PATJ: variants seen among roughly 807,000 people sequenced by gnomAD.
PATJ encodes PATJ crumbs cell polarity complex component.
Under a neutral mutation model 224.9 loss-of-function variants are expected in PATJ, and 190 were observed. The observed-to-expected ratio is 0.84, with a 90% confidence interval of 0.75 to 0.95. The LOEUF (loss-of-function observed/expected upper bound fraction) is 0.95. Among genes scored for constraint, PATJ ranks in the 40% least tolerant of loss-of-function variants. The pLI, the probability that PATJ is intolerant of heterozygous loss-of-function variation, is 0.00. For missense variants in PATJ, 2,121 were observed against 2,270.3 expected (o/e 0.93, Z 1.34); for synonymous variants, 769 against 820.3 (o/e 0.94, Z 1.07).
In PATJ at chr1:62,038,003, C is replaced by T. The variant is rs771647096; in HGVS notation, c.3986C>T (p.Ala1329Val). The T allele has an allele frequency of 1.9e-6, 3 of 1,604,726 alleles. No homozygotes were observed. Among genetic ancestry groups the T allele is most frequent in the Non-Finnish European group, 2.6e-6 (3 of 1,174,760 alleles). Residue 1329 changes from alanine (A) to valine (V), a missense_variant, in exon 30 of 44, where the codon GCC (alanine) becomes GTC (valine). Transcript: ENST00000642238. ...AACGAGGATGCAGTCAATCAGATGG[C>T]CGTTACTCCCTTTCCAGTGCCATCA... ...IRNEDAVNQM[A>V]VTPFPVPSSS...
chr1:61,983,236 C>A (rs374208118), intron 27 of PATJ, among the ~76,000 whole-genome samples: 18 of 151,968 alleles, frequency 1.2e-4, no homozygotes, highest in African/African-American at 3.6e-4. Flanking sequence ...ATAGGATAAC[C>A]CAAATTCTGA....
intron 41 of PATJ, among the ~76,000 whole-genome samples, chr1:62,140,327 G>A (rs1182197761): frequency 6.6e-6 from 1 of 152,154 alleles, no homozygotes; most frequent in Admixed American, 6.6e-5. Context: ...TGCTACAGAA[G>A]TGTTTTTATA....
intron 19 of PATJ, among the ~76,000 whole-genome samples, chr1:61,863,874 G>C (rs1430783178): frequency 6.6e-6 from 1 of 152,124 alleles, no homozygotes. Context: ...ATAATAGTTT[G>C]CAGTGTATGT....
At chr1:62,119,113 C>T (rs1461917217) in intron 37 of PATJ, among the ~76,000 whole-genome samples, 1 of 151,996 alleles carries the variant, frequency 6.6e-6, no homozygotes. Flanking sequence ...TCTTCTTACA[C>T]AGAATTTTAA....
intron 27 of PATJ, among the ~76,000 whole-genome samples, chr1:61,969,718 C>T (rs1266222686): frequency 1.3e-5 from 2 of 152,162 alleles, no homozygotes; most frequent in African/African-American, 2.4e-5. Flanking sequence ...GTTTGAGACA[C>T]AGCCTCCCTC....
At chr1:61,788,055 G>A (rs1648952305) in intron 8 of PATJ, 83 bp downstream of exon 8, 3 of 1,113,424 alleles carry the variant, frequency 2.7e-6, no homozygotes, top group Non-Finnish European at 3.9e-6. Context: ...TCAACTTGAA[G>A]CACCACATTG....
chr1:61,812,431 AGAGTGTGT>A (rs1557688195), intron 14 of PATJ, among the ~76,000 whole-genome samples: 3 of 109,040 alleles, frequency 2.8e-5, no homozygotes, highest in Non-Finnish European at 4.1e-5. Flanking sequence ...AGAGAGAGAG[AGAGTGTGT>A]GTGTGTGTGT....
At chr1:61,832,911 G>A (rs1284316775) in intron 16 of PATJ, among the ~76,000 whole-genome samples, 1 of 152,084 alleles carries the variant, frequency 6.6e-6, no homozygotes, top group Non-Finnish European at 1.5e-5. Context: ...TTAACTTCCT[G>A]GAATTCCACA....
intron 1 of PATJ, among the ~76,000 whole-genome samples, chr1:61,757,789 T>C (rs1233210565): frequency 6.6e-6 from 1 of 152,234 alleles, no homozygotes; most frequent in Non-Finnish European, 1.5e-5. Flanking sequence ...TTTCTAGTAG[T>C]AGTCTCTGTT....
At chr1:61,919,461 G>A (rs867332421) in intron 26 of PATJ, among the ~76,000 whole-genome samples, 2 of 149,936 alleles carry the variant, frequency 1.3e-5, no homozygotes, top group African/African-American at 2.4e-5. Context: ...GCACCACCAC[G>A]CCCAGCTAGT....
intron 31 of PATJ, among the ~76,000 whole-genome samples, chr1:62,072,234 G>T (rs193300871): frequency 6.6e-6 from 1 of 152,084 alleles, no homozygotes; most frequent in Non-Finnish European, 1.5e-5. Context: ...GCACTCCTCC[G>T]TGGGGTTTAG....
chr1:62,090,735 A>G (rs1367223736), intron 33 of PATJ, among the ~76,000 whole-genome samples: 1 of 152,108 alleles, frequency 6.6e-6, no homozygotes, highest in Non-Finnish European at 1.5e-5. Flanking sequence ...ATGAAATCCT[A>G]CAGCTTAGAG....
chr1:61,850,660 T>G (rs572868828), intron 17 of PATJ, among the ~76,000 whole-genome samples: 36 of 152,370 alleles, frequency 2.4e-4, no homozygotes, highest in African/African-American at 8.2e-4. Flanking sequence ...GAAGCAGCAT[T>G]GCTTAGTGTG....
intron 14 of PATJ, among the ~76,000 whole-genome samples, chr1:61,814,172 C>T (rs560380756): frequency 9.0e-6 from 1 of 111,718 alleles, no homozygotes; most frequent in South Asian, 3.2e-4. Context: ...GTGATTCAGT[C>T]TCGCTCTGTT....
In PATJ at chr1:62,051,020, G is replaced by A. The variant is rs1239964120; in HGVS notation, c.4087G>A (p.Gly1363Ser). 1.2e-6 allele frequency: 2 copies of A among 1,613,774 alleles called. No individual in the cohort carries two copies. The highest frequency in any genetic ancestry group is 2.7e-5 in the African/African-American group (2 of 74,906). Residue 1363 changes from glycine (G) to serine (S), a missense_variant, in exon 31 of 44, where the codon GGT becomes AGT. Gly to Ser is a moderately conservative substitution (Grantham distance 56). Transcript: ENST00000642238. ...TGAGGAAGATGGCAGCGTCGAAGTT[G>A]GTATTAAACAATTGCCTGAAAGTGA... ...SSEEDGSVEV[G>S]IKQLPESESF...
At chr1:62,028,994 T>TACATACATACATACATACATACAC (rs1350355669) in intron 29 of PATJ, among the ~76,000 whole-genome samples, 9 of 151,820 alleles carry the variant, frequency 5.9e-5, no homozygotes, top group African/African-American at 1.9e-4. Context: ...CATACATACA[T>TACATACATACATACATACATACAC]ACACGTATAC....
At chr1:62,008,693 G>A (rs1646246889) in intron 28 of PATJ, among the ~76,000 whole-genome samples, 2 of 152,142 alleles carry the variant, frequency 1.3e-5, no homozygotes, top group South Asian at 4.1e-4. Context: ...AGGCTGCAGT[G>A]AGCCATGATC....
At chr1:61,876,428 T>A (rs1447142660) in intron 21 of PATJ, among the ~76,000 whole-genome samples, 1 of 152,216 alleles carries the variant, frequency 6.6e-6, no homozygotes, top group Non-Finnish European at 1.5e-5. Flanking sequence ...TATTAAATAG[T>A]TGGAGAAGAT....
chr1:61,863,094 G>A (rs1445421470), intron 19 of PATJ, among the ~76,000 whole-genome samples: 1 of 139,186 alleles, frequency 7.2e-6, no homozygotes, highest in Non-Finnish European at 1.5e-5. Flanking sequence ...GGAGGGCAGT[G>A]GTGTGATCAT....
Sources: gnomAD v4.1 joint callset for allele counts (sites outside exome capture counted in the v4.1 genomes callset) on GRCh38, gnomAD v4.1.1 for gene constraint, MANE v1.5 for transcripts, NCBI Gene and HGNC (gene_info 2026-07-23, HGNC 2026-07-21) for gene names.